Variants in KIF5C observed in about 807,000 individuals in gnomAD.
KIF5C encodes kinesin heavy chain isoform 5C.
A neutral mutation model predicts 125.2 loss-of-function variants in KIF5C; 18 were observed. That is an observed-to-expected ratio of 0.14 (90% CI 0.10 to 0.21). The LOEUF is 0.21. KIF5C is among the 10% of genes least tolerant of loss of function. The pLI, the probability that KIF5C is intolerant of heterozygous loss-of-function variation, is 1.00. For synonymous variants in KIF5C, 405 were observed against 434.0 expected (o/e 0.93, Z 0.83); for missense variants, 780 against 1,183.8 (o/e 0.66, Z 5.01).
intron 1 of KIF5C, among the ~76,000 whole-genome samples, chr2:148,881,920 CTT>C (rs763518870): frequency 4.6e-5 from 7 of 152,158 alleles, no homozygotes; most frequent in Non-Finnish European, 1.0e-4. Context: ...AATGGTTTCT[CTT>C]GAGTTCAAAA....
In KIF5C at chr2:148,973,497, C is replaced by A; in HGVS notation, c.1279C>A (p.Gln427Lys). 6.2e-7 allele frequency: 1 copy of A among 1,608,572 alleles called. No individual in the cohort carries two copies. The highest frequency in any genetic ancestry group is 8.5e-7 in the Non-Finnish European group (1 of 1,178,006). ...TGAGGAGATCTCCAGTCTCTACAGACAACTGGATGACAAGGTCTGTGGCCA... is the reference window on the plus strand; with the variant it reads ...TGAGGAGATCTCCAGTCTCTACAGAAAACTGGATGACAAGGTCTGTGGCCA... ...YDEEISSLYR[Q>K]LDDKDDEINQ... The change falls in exon 12 of 26, where the codon CAA becomes AAA. Residue 427 changes from glutamine to lysine, a missense_variant. Coordinates refer to ENST00000435030, the MANE Select transcript of KIF5C (RefSeq NM_004522.3).
At chr2:148,988,613 T>C (rs1300055698) in intron 15 of KIF5C, among the ~76,000 whole-genome samples, 2 of 152,218 alleles carry the variant, frequency 1.3e-5, no homozygotes, top group Non-Finnish European at 2.9e-5. Context: ...TTACTTTGTC[T>C]TTCTGCAGAG....
At chr2:149,021,976 A>G (rs568173034) in intron 25 of KIF5C, among the ~76,000 whole-genome samples, 18 of 152,254 alleles carry the variant, frequency 1.2e-4, no homozygotes, top group African/African-American at 4.3e-4. Context: ...TGTTGGGTGC[A>G]GGCTGACAGA....
intron 3 of KIF5C, among the ~76,000 whole-genome samples, chr2:148,933,652 TAC>T (rs1682224143): frequency 3.5e-5 from 5 of 144,114 alleles, no homozygotes; most frequent in African/African-American, 1.3e-4. Flanking sequence ...ACATACATTG[TAC>T]ACACACACAG....
chr2:148,974,580 A>T (rs1014156894), intron 12 of KIF5C, among the ~76,000 whole-genome samples: 9 of 152,198 alleles, frequency 5.9e-5, no homozygotes, highest in African/African-American at 2.2e-4. Flanking sequence ...CACCCACGAG[A>T]TGGGTTACTT....
intron 25 of KIF5C, among the ~76,000 whole-genome samples, chr2:149,021,167 A>T (rs1210934848): frequency 2.0e-5 from 3 of 152,118 alleles, no homozygotes; most frequent in South Asian, 4.1e-4. Context: ...GGTTCAAGCG[A>T]TTCTCCTGTT....
chr2:148,951,083 A>T (rs1682646612), intron 10 of KIF5C, among the ~76,000 whole-genome samples: 1 of 152,204 alleles, frequency 6.6e-6, no homozygotes, highest in South Asian at 2.1e-4. Flanking sequence ...ATGGCACTGG[A>T]GTCTACCTTT....
intron 1 of KIF5C, among the ~76,000 whole-genome samples, chr2:148,906,613 C>CCAG (rs879391812): frequency 1.3e-5 from 2 of 151,790 alleles, no homozygotes; most frequent in Non-Finnish European, 2.9e-5. Flanking sequence ...GTCTGTAATT[C>CCAG]CAGCACTTTG....
chr2:148,938,576 G>C (rs1405595554), intron 4 of KIF5C, among the ~76,000 whole-genome samples: 1 of 152,164 alleles, frequency 6.6e-6, no homozygotes, highest in Non-Finnish European at 1.5e-5. Flanking sequence ...CCCTTGGGCA[G>C]GGACTCATTG....
At chr2:149,010,396 G>A (rs1260241721) in intron 24 of KIF5C, 45 bp downstream of exon 24, 2 of 1,494,598 alleles carry the variant, frequency 1.3e-6, no homozygotes, top group Non-Finnish European at 1.8e-6. Flanking sequence ...AAGCTACTGC[G>A]GCCTCTCAGC....
chr2:149,011,829 C>A (rs1682210971), intron 25 of KIF5C, 146 bp downstream of exon 25: 1 of 1,167,268 alleles, frequency 8.6e-7, no homozygotes, highest in Non-Finnish European at 1.2e-6. Context: ...TAAACAGAGA[C>A]CCAGACCTGT....
In KIF5C at chr2:148,990,938, C is replaced by T. The variant is rs144058156; in HGVS notation, c.1717-72C>T. The stretch of plus-strand genomic sequence containing the variant: ...CATGGACACCTTGGGGATCCAGGGG[C>T]AGGTTTCCAGGGAGTCCGTGAACCT... On this transcript the variant is annotated intron_variant, in intron 15 of 25. Coordinates refer to ENST00000435030, the MANE Select transcript of KIF5C (RefSeq NM_004522.3). 5.1e-5 allele frequency: 77 copies of T among 1,503,372 alleles called. No homozygotes were observed. In the African/African-American group the frequency reaches 1.1e-3, roughly 21 times the overall value. The allele number at this position is 1,503,372 out of a possible 1,614,324, so 93.1% of individuals were successfully genotyped here.
At chr2:148,998,762 C>CACA (rs979163152) in intron 19 of KIF5C, 2 of 419,006 alleles carry the variant, frequency 4.8e-6, no homozygotes, top group African/African-American at 4.3e-5. Flanking sequence ...GGGCCAGGGT[C>CACA]ACATAGGTGA....
intron 3 of KIF5C, among the ~76,000 whole-genome samples, chr2:148,933,863 A>G (rs1038676250): frequency 6.6e-6 from 1 of 150,640 alleles, no homozygotes; most frequent in East Asian, 2.0e-4. Flanking sequence ...ACCACACACC[A>G]TAATATACAC....
chr2:148,961,790 T>C (rs2105130487), intron 10 of KIF5C, among the ~76,000 whole-genome samples, 181 bp from the exon 11 acceptor site: 1 of 152,270 alleles, frequency 6.6e-6, no homozygotes, highest in Non-Finnish European at 1.5e-5. Flanking sequence ...AAGGATGAGC[T>C]TGAGGCCTCA....
chr2:149,008,288 C>G (rs931792535), intron 23 of KIF5C, among the ~76,000 whole-genome samples: 4 of 152,180 alleles, frequency 2.6e-5, no homozygotes, highest in African/African-American at 9.7e-5. Context: ...CCAAATATAA[C>G]GCATAGGGTT....
At chr2:148,966,455 G>A (rs1683053636) in intron 11 of KIF5C, among the ~76,000 whole-genome samples, 1 of 152,064 alleles carries the variant, frequency 6.6e-6, no homozygotes, top group Admixed American at 6.5e-5. Context: ...CAGATCAGGT[G>A]CAGGCAGATA....
intron 10 of KIF5C, among the ~76,000 whole-genome samples, chr2:148,958,201 C>T (rs1682844418): frequency 6.6e-6 from 1 of 152,130 alleles, no homozygotes; most frequent in Middle Eastern, 3.4e-3. Context: ...GTCCTCATTT[C>T]TGTTAGGTGG....
chr2:148,929,424 T>C, intron 3 of KIF5C, 70 bp downstream of exon 3: 1 of 976,414 alleles, frequency 1.0e-6, no homozygotes, highest in Non-Finnish European at 1.6e-6. Flanking sequence ...CCAGCAAAAC[T>C]TGAGGTGCAT....
Sources: allele counts gnomAD v4.1 joint callset (sites outside exome capture counted in the v4.1 genomes callset), GRCh38; gene constraint gnomAD v4.1.1; transcripts MANE v1.5; gene names NCBI Gene and HGNC (gene_info 2026-07-23, HGNC 2026-07-21).